The following PCDHA2 variants were observed in gnomAD, a reference collection of about 807,000 sequenced individuals.
PCDHA2 encodes protocadherin alpha 2.
Under a neutral mutation model 66.0 loss-of-function variants are expected in PCDHA2, and 58 were observed. The ratio of observed to expected loss-of-function variants is 0.88; its 90% CI spans 0.71 to 1.09. The LOEUF (loss-of-function observed/expected upper bound fraction) is 1.09. Among genes scored for constraint, PCDHA2 ranks in the 50% least tolerant of loss-of-function variants. PCDHA2 has a pLI of 0.00. For missense variants in PCDHA2, 1,267 were observed against 1,242.3 expected (o/e 1.02, Z -0.30); for synonymous variants, 634 against 554.0 (o/e 1.14, Z -2.03).
chr5:140,928,372 G>T (rs782494631), intron 1 of PCDHA2: 5 of 1,614,136 alleles, frequency 3.1e-6, no homozygotes, highest in Non-Finnish European at 4.2e-6. Flanking sequence ...AGGGCCATCA[G>T]CCTCTAGCTT....
Position 140,833,148 on chromosome 5 carries a change from T to C in PCDHA2, c.2388+35796T>C, listed in dbSNP as rs145941830. On this transcript the variant is annotated intron_variant, in intron 1 of 3. Coordinates refer to ENST00000526136, the MANE Select transcript of PCDHA2 (RefSeq NM_018905.3). The stretch of plus-strand genomic sequence containing the variant: ...AAAGCTGTCAAAAAGTGTGAAGCAA[T>C]ACGAATAAAAAGTATTAACGGAAGA... 2.6e-4 allele frequency among the ~76,000 whole-genome samples: 39 copies of C among 152,250 alleles called. No individual in the cohort carries two copies. The East Asian group carries it at 6.2e-3, about 24-fold the overall frequency.
At chr5:140,964,401 G>A (rs1230382796) in intron 1 of PCDHA2, among the ~76,000 whole-genome samples, 6 of 152,166 alleles carry the variant, frequency 3.9e-5, no homozygotes, top group Admixed American at 2.0e-4. Flanking sequence ...CCCAAGACAT[G>A]ACATTTGGGG....
At chr5:140,851,764 C>T (rs1282695804) in intron 1 of PCDHA2, 1 of 969,228 alleles carries the variant, frequency 1.0e-6, no homozygotes, top group Non-Finnish European at 1.2e-6. Context: ...AAAACATTAC[C>T]CTTATGAATT....
At chr5:140,882,551 C>A in intron 1 of PCDHA2, 1 of 1,614,216 alleles carries the variant, frequency 6.2e-7, no homozygotes, top group Non-Finnish European at 8.5e-7. Flanking sequence ...CCGCGAGGAG[C>A]TGTGTGGGCG....
In PCDHA2 at chr5:140,796,459, G is replaced by T; in HGVS notation, c.1495G>T (p.Val499Leu). The stretch of plus-strand genomic sequence containing the variant: ...GTCCTACTCGCTGGTGGAGCGGCGG[G>T]TGGGCGAGCGCGCGTTGTCGAGCTA... ...LVSYSLVERR[V>L]GERALSSYVS... Residue 499 changes from valine to leucine, a missense_variant, in exon 1 of 4, where the codon GTG becomes TTG. Transcript: ENST00000526136. 2 of 1,612,710 alleles carry T rather than the reference G, an allele frequency of 1.2e-6. No individual in the cohort carries two copies. Among genetic ancestry groups the T allele is most frequent in the Non-Finnish European group, 1.7e-6 (2 of 1,179,846 alleles).
At chr5:140,934,502 A>G (rs1311901724) in intron 1 of PCDHA2, among the ~76,000 whole-genome samples, 2 of 152,144 alleles carry the variant, frequency 1.3e-5, no homozygotes, top group Non-Finnish European at 2.9e-5. Flanking sequence ...TAAACACCCA[A>G]AGGGTCCATA....
chr5:140,955,726 C>T (rs934215613), intron 1 of PCDHA2, among the ~76,000 whole-genome samples: 1 of 152,264 alleles, frequency 6.6e-6, no homozygotes, highest in East Asian at 1.9e-4. Context: ...ACCATTGAAT[C>T]TATAAATTAC....
intron 1 of PCDHA2, 179 bp downstream of exon 1, chr5:140,797,531 A>G (rs1285777649): frequency 3.9e-6 from 3 of 774,104 alleles, no homozygotes; most frequent in Middle Eastern, 3.9e-4. Context: ...TATTTAAACA[A>G]TCTACATAAC....
rs569728778 is a variant in PCDHA2 at position 140,900,297 on chromosome 5, T to G, written c.2389-78652T>G. 1.4e-4 allele frequency among the ~76,000 whole-genome samples: 22 copies of G among 151,920 alleles called. No individual in the cohort carries two copies. In the East Asian group the frequency reaches 4.1e-3, roughly 28 times the overall value. On this transcript the variant is annotated intron_variant, in intron 1 of 3. Transcript: ENST00000526136. Reference sequence around the variant, plus strand: ...TACCACACTTTCTTTTCTGTTTTTTTAGACAGTCTCACTTTTGTCGCCCAG... The same window carrying G: ...TACCACACTTTCTTTTCTGTTTTTTGAGACAGTCTCACTTTTGTCGCCCAG...
Position 140,932,015 on chromosome 5 carries a change from C to T in PCDHA2, c.2389-46934C>T, listed in dbSNP as rs150185692. Reference sequence around the variant, plus strand: ...TTCTAAGTTCTTTCATTTTAGTTTACGGTAAGTTTACAGTATATATTAACA... The same window carrying T: ...TTCTAAGTTCTTTCATTTTAGTTTATGGTAAGTTTACAGTATATATTAACA... On this transcript the variant is annotated intron_variant, in intron 1 of 3. Coordinates refer to ENST00000526136, the MANE Select transcript of PCDHA2 (RefSeq NM_018905.3). Among the ~76,000 whole-genome samples, 8 of 151,784 alleles carry T rather than the reference C, an allele frequency of 5.3e-5. No homozygotes were observed. The East Asian group carries it at 5.8e-4, about 11-fold the overall frequency.
At position 140,801,049 on chromosome 5, in the gene PCDHA2, CAG is replaced by C. The variant is rs1449713728; in HGVS notation, c.2388+3698_2388+3699del. The stretch of plus-strand genomic sequence containing the variant: ...AGGTCTTTCTCCACAAAAGAAATAA[CAG>C]CGTGCATTACGTATTCAGATACTGC... On this transcript the variant is annotated intron_variant, in intron 1 of 3. Transcript: ENST00000526136. 4.2e-6 allele frequency: 6 copies of C among 1,438,438 alleles called. No individual in the cohort carries two copies. The African/African-American group carries it at 8.6e-5, about 21-fold the overall frequency. 89.1% of individuals were successfully genotyped at this position (1,438,438 alleles called of 1,614,324 possible).
chr5:140,992,584 T>G (rs1327367703), intron 3 of PCDHA2, among the ~76,000 whole-genome samples: 1 of 152,194 alleles, frequency 6.6e-6, no homozygotes, highest in Non-Finnish European at 1.5e-5. Context: ...CTGCCTTGTA[T>G]GCATCTAGCG....
intron 1 of PCDHA2, chr5:140,841,445 G>T: frequency 6.2e-7 from 1 of 1,612,934 alleles, no homozygotes; most frequent in South Asian, 1.1e-5. Context: ...GGCCAAACAC[G>T]GCACCTTCGT....
At chr5:140,978,486 G>T (rs1289847782) in intron 1 of PCDHA2, among the ~76,000 whole-genome samples, 1 of 152,248 alleles carries the variant, frequency 6.6e-6, no homozygotes, top group Admixed American at 6.5e-5. Flanking sequence ...AGTCTGCAAA[G>T]CCAGCAGCAG....
chr5:140,827,397 T>C (rs1275430890), intron 1 of PCDHA2, among the ~76,000 whole-genome samples: 2 of 152,336 alleles, frequency 1.3e-5, no homozygotes, highest in East Asian at 3.9e-4. Context: ...ATAAATTAAA[T>C]GTGATAAAGA....
At chr5:140,831,731 C>A (rs1771681579) in intron 1 of PCDHA2, among the ~76,000 whole-genome samples, 1 of 152,004 alleles carries the variant, frequency 6.6e-6, no homozygotes, top group Admixed American at 6.6e-5. Flanking sequence ...TGTTATCCTC[C>A]CTTGCCTAAA....
intron 1 of PCDHA2, among the ~76,000 whole-genome samples, chr5:140,838,070 T>C (rs1392729176): frequency 1.6e-5 from 2 of 127,666 alleles, no homozygotes; most frequent in Admixed American, 1.8e-4. Flanking sequence ...TTAAGTTATA[T>C]ATATATAGTG....
intron 1 of PCDHA2, chr5:140,823,168 G>T (rs782693358): frequency 6.2e-7 from 1 of 1,613,838 alleles, no homozygotes; most frequent in African/African-American, 1.3e-5. Flanking sequence ...GTTCGTGAAG[G>T]AGAACAACCC....
chr5:140,982,357 A>G, intron 2 of PCDHA2, 118 bp from the exon 3 acceptor site: 1 of 1,520,660 alleles, frequency 6.6e-7, no homozygotes. Flanking sequence ...TTCAAGCATG[A>G]GCAGAATGTG....
Sources: allele counts gnomAD v4.1 joint callset (sites outside exome capture counted in the v4.1 genomes callset), GRCh38; gene constraint gnomAD v4.1.1; transcripts MANE v1.5; gene names NCBI Gene and HGNC (gene_info 2026-07-23, HGNC 2026-07-21).